Variants in SAMD4A observed in about 807,000 individuals in gnomAD.
SAMD4A encodes sterile alpha motif domain containing 4A.
SAMD4A carries 33 observed loss-of-function variants against 81.3 expected under a neutral mutation model. The ratio of observed to expected loss-of-function variants is 0.41; its 90% confidence interval spans 0.31 to 0.54. The LOEUF is 0.54. Among genes scored for constraint, SAMD4A ranks in the 20% least tolerant of loss-of-function variants. The pLI, the probability that SAMD4A is intolerant of heterozygous loss-of-function variation, is 0.37. For synonymous variants in SAMD4A, 389 were observed against 382.1 expected, an observed-to-expected ratio of 1.02 and a Z score of -0.21; for missense variants, 854 against 951.1, an observed-to-expected ratio of 0.90 and a Z score of 1.34.
chr14:54,606,775 C>T (rs767913220), intron 2 of SAMD4A, among the ~76,000 whole-genome samples: 2 of 152,218 alleles, frequency 1.3e-5, no homozygotes, highest in Non-Finnish European at 2.9e-5. Flanking sequence ...TTTTATACCC[C>T]CCTCCTTTAG....
intron 2 of SAMD4A, among the ~76,000 whole-genome samples, chr14:54,678,569 G>A (rs1354487990): frequency 7.0e-6 from 1 of 143,842 alleles, no homozygotes; most frequent in East Asian, 2.1e-4. Context: ...TTTTTTTTGA[G>A]ACGGAGTCTC....
chr14:54,694,661 A>AG (rs1281707971), intron 2 of SAMD4A: 2 of 985,260 alleles, frequency 2.0e-6, no homozygotes, highest in Admixed American at 6.2e-5. Context: ...TGGCTGGGGG[A>AG]GCTGGCCTGG....
At chr14:54,613,049 G>A (rs1220607827) in intron 2 of SAMD4A, among the ~76,000 whole-genome samples, 1 of 151,996 alleles carries the variant, frequency 6.6e-6, no homozygotes, top group African/African-American at 2.4e-5. Context: ...CCTGGGAGGC[G>A]GAGGTTGCAG....
At chr14:54,787,812 A>T (rs900785726) in intron 12 of SAMD4A, among the ~76,000 whole-genome samples, 15 of 152,190 alleles carry the variant, frequency 9.9e-5, no homozygotes, top group Admixed American at 7.2e-4. Context: ...AGGTTATCTG[A>T]TGCAGCTGCC....
At chr14:54,748,404 C>G (rs2038018638) in intron 4 of SAMD4A, among the ~76,000 whole-genome samples, 1 of 152,220 alleles carries the variant, frequency 6.6e-6, no homozygotes, top group Admixed American at 6.5e-5. Flanking sequence ...CTTTCCAACT[C>G]GATGAAGCGG....
At chr14:54,592,084 G>T (rs190900659) in intron 2 of SAMD4A, among the ~76,000 whole-genome samples, 1 of 150,556 alleles carries the variant, frequency 6.6e-6, no homozygotes, top group Non-Finnish European at 1.5e-5. Context: ...CCACCCATCC[G>T]TCAGAGCCCT....
chr14:54,600,422 T>C (rs1314957072), intron 2 of SAMD4A, among the ~76,000 whole-genome samples: 1 of 152,258 alleles, frequency 6.6e-6, no homozygotes, highest in Non-Finnish European at 1.5e-5. Flanking sequence ...GTTCATCCAG[T>C]GCTTCCATTG....
intron 2 of SAMD4A, among the ~76,000 whole-genome samples, chr14:54,632,439 A>C (rs1178176146): frequency 6.6e-6 from 1 of 152,204 alleles, no homozygotes; most frequent in Non-Finnish European, 1.5e-5. Context: ...CCCTTTCCAG[A>C]GTAGCCACTG....
chr14:54,773,550 C>T (rs773560919), intron 9 of SAMD4A, among the ~76,000 whole-genome samples: 8 of 152,242 alleles, frequency 5.3e-5, no homozygotes, highest in South Asian at 2.1e-4. Context: ...AGAGAGGATG[C>T]GTTCTTCAGT....
intron 2 of SAMD4A, among the ~76,000 whole-genome samples, chr14:54,593,321 A>G (rs901000063): frequency 3.9e-5 from 6 of 152,194 alleles, no homozygotes; most frequent in Non-Finnish European, 7.4e-5. Context: ...CTTGATTACT[A>G]TTAGTTTCGT....
At chr14:54,659,985 G>A (rs12590927) in intron 2 of SAMD4A, among the ~76,000 whole-genome samples, 66,381 of 151,716 alleles carry the variant, frequency 0.44, 15,213 homozygotes, top group East Asian at 0.78. Context: ...GGAGGCTGAG[G>A]CAGGAAAATT....
In SAMD4A at chr14:54,722,457, A is replaced by G. The variant is rs116715324; in HGVS notation, c.716-14567A>G. Among the ~76,000 whole-genome samples, 227 of 152,336 alleles carry G rather than the reference A, an allele frequency of 1.5e-3. 2 individuals are homozygous for G. Among genetic ancestry groups the G allele is most frequent in the African/African-American group, 5.3e-3 (221 of 41,584 alleles). ...CTGCAATGCATAGCTCTGGTGTTAA[A>G]TGAGGAATTATCTACTTTAGATCAC... On this transcript the variant is annotated intron_variant, in intron 3 of 12. Transcript: ENST00000554335.
chr14:54,603,150 A>G (rs2034106865), intron 2 of SAMD4A, among the ~76,000 whole-genome samples: 1 of 152,190 alleles, frequency 6.6e-6, no homozygotes, highest in African/African-American at 2.4e-5. Flanking sequence ...GGGCCACAAG[A>G]TGCACATCTG....
At chr14:54,690,605 A>G (rs2036408463) in intron 2 of SAMD4A, among the ~76,000 whole-genome samples, 4 of 152,164 alleles carry the variant, frequency 2.6e-5, no homozygotes, top group Admixed American at 2.0e-4. Context: ...TGTTACAGAC[A>G]CTTCTATGGG....
chr14:54,601,750 T>C (rs1237818764), intron 2 of SAMD4A, among the ~76,000 whole-genome samples: 1 of 152,194 alleles, frequency 6.6e-6, no homozygotes. Flanking sequence ...TTGAATCTTG[T>C]GTCTGTGTGT....
At chr14:54,744,707 G>C (rs1254401492) in intron 4 of SAMD4A, among the ~76,000 whole-genome samples, 3 of 152,164 alleles carry the variant, frequency 2.0e-5, no homozygotes, top group African/African-American at 7.2e-5. Flanking sequence ...CTGAAAGTCT[G>C]CTACTCCCAG....
chr14:54,676,664 T>C (rs2140541834), intron 2 of SAMD4A, among the ~76,000 whole-genome samples: 1 of 152,368 alleles, frequency 6.6e-6, no homozygotes. Context: ...ATTACAGGCG[T>C]GAACCACTGT....
In SAMD4A at chr14:54,769,486, A is replaced by G. The variant is rs116151791; in HGVS notation, c.1597-618A>G. ...GCAAAACACACACACCAGTTTTGCTAGAAAAGAGTTCTGCAGGCATCAGAC... is the reference window on the plus strand; with the variant it reads ...GCAAAACACACACACCAGTTTTGCTGGAAAAGAGTTCTGCAGGCATCAGAC... On this transcript the variant is annotated intron_variant, in intron 8 of 12. Transcript: ENST00000554335. Among the ~76,000 whole-genome samples the G allele has an allele frequency of 6.6e-3, 1,001 of 152,326 alleles. 12 individuals are homozygous for G. The highest frequency in any genetic ancestry group is 0.023 in the African/African-American group (957 of 41,556).
chr14:54,646,579 G>C (rs1042839985), intron 2 of SAMD4A, among the ~76,000 whole-genome samples: 2 of 152,192 alleles, frequency 1.3e-5, no homozygotes, highest in African/African-American at 4.8e-5. Context: ...GGCCAGTTAG[G>C]CAGAATTAAT....
Sources: allele counts gnomAD v4.1 joint callset (sites outside exome capture counted in the v4.1 genomes callset), GRCh38; gene constraint gnomAD v4.1.1; transcripts MANE v1.5; gene names NCBI Gene and HGNC (gene_info 2026-07-23, HGNC 2026-07-21).